The following VPS53 variants were observed in gnomAD, a reference collection of about 807,000 sequenced individuals.
VPS53 encodes vacuolar protein sorting-associated protein 53 homolog.
VPS53 carries 70 observed loss-of-function variants against 107.0 expected under a neutral mutation model. The observed-to-expected ratio is 0.65, with a 90% CI of 0.54 to 0.80. The LOEUF is 0.80. Among genes scored for constraint, VPS53 ranks in the 30% least tolerant of loss-of-function variants. The pLI is 0.00. For missense variants in VPS53, 917 were observed against 1,049.4 expected (o/e 0.87, Z 1.74); for synonymous variants, 409 against 393.3 (o/e 1.04, Z -0.47).
chr17:709,508 A>T (rs188652307), intron 2 of VPS53, among the ~76,000 whole-genome samples: 77 of 152,300 alleles, frequency 5.1e-4, no homozygotes, highest in African/African-American at 1.8e-3. Flanking sequence ...CCTTGGAAGA[A>T]CTGGTCTTTG....
chr17:604,347 CT>C (rs1341221761), intron 11 of VPS53, among the ~76,000 whole-genome samples: 2 of 152,186 alleles, frequency 1.3e-5, no homozygotes, highest in Non-Finnish European at 2.9e-5. Context: ...GAAGTCGAGC[CT>C]ACTCTCGCTG....
chr17:672,864 G>A (rs1972019057), intron 4 of VPS53, among the ~76,000 whole-genome samples: 1 of 152,200 alleles, frequency 6.6e-6, no homozygotes, highest in Non-Finnish European at 1.5e-5. Context: ...TGTAATCCCA[G>A]CACTGTGGGA....
At chr17:527,317 G>C (rs949512360) in intron 19 of VPS53, among the ~76,000 whole-genome samples, 8 of 152,220 alleles carry the variant, frequency 5.3e-5, no homozygotes, top group Middle Eastern at 3.4e-3. Context: ...CTAGTTGCCT[G>C]CTTCATAAAC....
intron 11 of VPS53, among the ~76,000 whole-genome samples, chr17:615,245 C>T (rs753129621): frequency 1.2e-4 from 18 of 152,208 alleles, no homozygotes; most frequent in Non-Finnish European, 2.2e-4. Flanking sequence ...CACAGGACAT[C>T]GTGAAACTGG....
At chr17:612,049 TCA>T (rs1281892563) in intron 11 of VPS53, among the ~76,000 whole-genome samples, 2 of 149,966 alleles carry the variant, frequency 1.3e-5, no homozygotes, top group Non-Finnish European at 3.0e-5. Flanking sequence ...CACAGTGAGT[TCA>T]CACAGTGAAA....
intron 7 of VPS53, among the ~76,000 whole-genome samples, chr17:639,503 G>A (rs1281191745): frequency 6.6e-6 from 1 of 152,166 alleles, no homozygotes; most frequent in Non-Finnish European, 1.5e-5. Context: ...CTGATTTTTA[G>A]AATTTTCAGC....
Position 519,734 on chromosome 17 carries a change from A to C in VPS53, c.2328+92T>G, listed in dbSNP as rs929811389. On this transcript the variant is annotated intron_variant, in intron 21 of 21. Transcript: ENST00000437048. This position sits in a 1 kb window ranked among gnomAD's most constrained non-coding sequence, Gnocchi z 5.0. ...GAGCCAGGCACATGCATTTTGAGAAAGCCCCCCCGGAACTTATATCCCAAT... is the reference window on the plus strand; with the variant it reads ...GAGCCAGGCACATGCATTTTGAGAACGCCCCCCCGGAACTTATATCCCAAT... 7 of 966,274 alleles carry C rather than the reference A, an allele frequency of 7.2e-6. No homozygotes were observed. The highest frequency in any genetic ancestry group is 1.1e-5 in the Non-Finnish European group (7 of 630,290). 59.9% of individuals were successfully genotyped at this position (966,274 alleles called of 1,614,324 possible). A position where few individuals can be genotyped will look rare whatever the true frequency, so the allele number is the denominator to read the frequency against.
At chr17:541,123 T>C (rs1910604093) in intron 17 of VPS53, among the ~76,000 whole-genome samples, 1 of 152,210 alleles carries the variant, frequency 6.6e-6, no homozygotes, top group African/African-American at 2.4e-5. Context: ...AACTGAAGTC[T>C]CATAACTGAG....
At chr17:590,168 GCTCT>G (rs1312500058) in intron 12 of VPS53, among the ~76,000 whole-genome samples, 12 of 151,392 alleles carry the variant, frequency 7.9e-5, no homozygotes, top group Middle Eastern at 3.4e-3. Flanking sequence ...TCATGATTTG[GCTCT>G]CTGTTTGTCT....
At position 714,811 on chromosome 17, in the gene VPS53, G is replaced by T. The variant is rs371933423; in HGVS notation, c.-102C>A. Reference sequence around the variant, plus strand: ...GCAACTCCCTCGCGGCAGCGACCTGGTGAGCCCGGCTCCGTCAGCCGCTCT... The same window carrying T: ...GCAACTCCCTCGCGGCAGCGACCTGTTGAGCCCGGCTCCGTCAGCCGCTCT... On this transcript the variant is annotated 5_prime_UTR_variant, in exon 1 of 22. Coordinates refer to ENST00000437048, the MANE Select transcript of VPS53 (RefSeq NM_001128159.3). The T allele has an allele frequency of 6.0e-6, 8 of 1,334,870 alleles. No homozygotes were observed. The highest frequency in any genetic ancestry group is 6.4e-6 in the Non-Finnish European group (6 of 936,602). The allele number at this position is 1,334,870 out of a possible 1,614,324, so 82.7% of individuals were successfully genotyped here.
Position 661,795 on chromosome 17 carries a change from A to G in VPS53, c.372+14T>C. On this transcript the variant is annotated intron_variant, in intron 5 of 21. Transcript: ENST00000437048. Reference sequence around the variant, plus strand: ...CTTTTGGTGCAAAAAGGTTAGGAAGAAACCAGAACTCACCATTTGCTCTGA... The same window carrying G: ...CTTTTGGTGCAAAAAGGTTAGGAAGGAACCAGAACTCACCATTTGCTCTGA... The G allele has an allele frequency of 6.4e-7, 1 of 1,550,658 alleles. No homozygotes were observed.
At chr17:582,804 T>G (rs1967109161) in intron 13 of VPS53, among the ~76,000 whole-genome samples, 1 of 149,824 alleles carries the variant, frequency 6.7e-6, no homozygotes, top group Non-Finnish European at 1.5e-5. Flanking sequence ...AGAATCTCCA[T>G]GCATTCTCAG....
chr17:515,423 G>A lies in VPS53; in HGVS notation c.*3705C>T, dbSNP rs1376973653. On this transcript the variant is annotated 3_prime_UTR_variant, in exon 22 of 22. Coordinates refer to ENST00000437048, the MANE Select transcript of VPS53 (RefSeq NM_001128159.3). Reference sequence around the variant, plus strand: ...ATTTTGTATTTTTAGTAAAGACAGGGTTTCACCATGTCGGCCAGGCTGGTC... The same window carrying A: ...ATTTTGTATTTTTAGTAAAGACAGGATTTCACCATGTCGGCCAGGCTGGTC... 1 of 152,122 alleles carries A rather than the reference G, an allele frequency of 6.6e-6. No homozygotes were observed. The highest frequency in any genetic ancestry group is 1.5e-5 in the Non-Finnish European group (1 of 68,054). The allele number at this position is 152,122 out of a possible 1,614,324, so 9.4% of individuals were successfully genotyped here. A position where few individuals can be genotyped will look rare whatever the true frequency, so the allele number is the denominator to read the frequency against.
intron 8 of VPS53, among the ~76,000 whole-genome samples, chr17:629,623 C>T (rs1264970880): frequency 1.3e-5 from 2 of 151,532 alleles, no homozygotes; most frequent in African/African-American, 2.4e-5. Context: ...ATTAGCCAGG[C>T]GTGGTGGCGG....
chr17:657,524 A>G, intron 5 of VPS53: 1 of 1,471,354 alleles, frequency 6.8e-7, no homozygotes, highest in Non-Finnish European at 9.5e-7. Context: ...CCCGCTTCAG[A>G]TGCTTCTTGG....
At chr17:548,796 A>G (rs982881767) in intron 17 of VPS53, among the ~76,000 whole-genome samples, 2 of 152,202 alleles carry the variant, frequency 1.3e-5, no homozygotes, top group Admixed American at 6.5e-5. Flanking sequence ...AGTTTGAACC[A>G]AGCTCTTTAG....
rs1908416378 is a variant in VPS53, at chr17:517,790, T to C, written c.*1338A>G. On this transcript the variant is annotated 3_prime_UTR_variant, in exon 22 of 22. Coordinates refer to ENST00000437048, the MANE Select transcript of VPS53 (RefSeq NM_001128159.3). ...CCTGCCTCAGCCTCCCAAAGTGCTG[T>C]GATTACAGGCATGAGCCACCACACC... 5.4e-6 allele frequency: 1 copy of C among 183,572 alleles called. No individual in the cohort carries two copies. The highest frequency in any genetic ancestry group is 1.1e-5 in the Non-Finnish European group (1 of 89,228). The allele number at this position is 183,572 out of a possible 1,614,324, so 11.4% of individuals were successfully genotyped here. A position where few individuals can be genotyped will look rare whatever the true frequency, so the allele number is the denominator to read the frequency against.
At chr17:601,953 C>T (rs1244095454) in intron 11 of VPS53, 57 bp from the exon 12 acceptor site, 2 of 1,276,502 alleles carry the variant, frequency 1.6e-6, no homozygotes, top group Non-Finnish European at 2.1e-6. Flanking sequence ...ATAGCTTTCC[C>T]CATTGATCTG....
At chr17:623,933 G>A (rs182600671) in intron 10 of VPS53, among the ~76,000 whole-genome samples, 6 of 148,442 alleles carry the variant, frequency 4.0e-5, no homozygotes, top group African/African-American at 1.6e-4. Flanking sequence ...TTATTTGTTT[G>A]TTTATTTATT....
Sources: allele counts gnomAD v4.1 joint callset (sites outside exome capture counted in the v4.1 genomes callset), GRCh38; gene constraint gnomAD v4.1.1; non-coding constraint Gnocchi (gnomAD v3.1); transcripts MANE v1.5; gene names NCBI Gene and HGNC (gene_info 2026-07-23, HGNC 2026-07-21).